The following TENM3 variants were observed in gnomAD, a reference collection of about 807,000 sequenced individuals.
The protein encoded by TENM3 is teneurin transmembrane protein 3, also known as teneurin-3.
A neutral mutation model predicts 255.1 loss-of-function variants in TENM3; 63 were observed. The observed-to-expected ratio is 0.25, with a 90% CI of 0.20 to 0.30. The LOEUF is 0.30. Ranked by LOEUF, TENM3 falls within the 10% of genes least tolerant of loss-of-function variation. The probability of loss-of-function intolerance (pLI) is 1.00; values close to 1 mark genes in which losing one functional copy is unlikely to be tolerated. For synonymous variants in TENM3, 1,306 were observed against 1,322.3 expected (o/e 0.99, Z 0.27); for missense variants, 2,929 against 3,461.1 (o/e 0.85, Z 3.86).
At chr4:181,771,947 T>C in the TENM3 span, among the ~76,000 whole-genome samples, 1 of 152,356 alleles carries the variant, frequency 6.6e-6, no homozygotes, top group South Asian at 2.1e-4. Flanking sequence ...AATTTCTCTG[T>C]GTTCTTTAAG....
At chr4:182,208,147 CTT>C (rs1347825159) in intron 1 of TENM3, among the ~76,000 whole-genome samples, 1 of 152,170 alleles carries the variant, frequency 6.6e-6, no homozygotes, top group Non-Finnish European at 1.5e-5. Context: ...TAGCAGGAGA[CTT>C]TGTACTTTAT....
the TENM3 span, among the ~76,000 whole-genome samples, chr4:181,997,314 C>G: frequency 6.6e-6 from 1 of 152,096 alleles, no homozygotes; most frequent in African/African-American, 2.4e-5. Context: ...CTGAGGCTGC[C>G]TGCGCACGTG....
At chr4:182,059,937 GA>G in the TENM3 span, among the ~76,000 whole-genome samples, 1 of 149,726 alleles carries the variant, frequency 6.7e-6, no homozygotes, top group Admixed American at 6.7e-5. Flanking sequence ...TGTCTCAAAA[GA>G]AAAAAAAATC....
chr4:181,872,570 G>A, the TENM3 span, among the ~76,000 whole-genome samples: 316 of 152,100 alleles, frequency 2.1e-3, no homozygotes, highest in African/African-American at 6.9e-3. Context: ...CATTTAAGTC[G>A]TAAAGTGTAT....
At chr4:182,030,266 G>A in the TENM3 span, among the ~76,000 whole-genome samples, 2 of 151,396 alleles carry the variant, frequency 1.3e-5, no homozygotes, top group African/African-American at 2.4e-5. Context: ...CCAGTGTTTT[G>A]TGTTTCCCTC....
At chr4:181,876,156 G>A in the TENM3 span, among the ~76,000 whole-genome samples, 1 of 152,164 alleles carries the variant, frequency 6.6e-6, no homozygotes, top group Non-Finnish European at 1.5e-5. Context: ...CTGACAACTT[G>A]AATGGCTATC....
chr4:182,432,886 T>G (rs929963207), intron 3 of TENM3, among the ~76,000 whole-genome samples: 10 of 32,710 alleles, frequency 3.1e-4, no homozygotes, highest in East Asian at 9.4e-4. Context: ...ATGGTTTCAC[T>G]ATGTTGGCCA....
intron 13 of TENM3, among the ~76,000 whole-genome samples, chr4:182,717,259 A>C (rs1759270200): frequency 1.3e-5 from 2 of 152,144 alleles, no homozygotes; most frequent in Non-Finnish European, 2.9e-5. Context: ...GCCTTCATGT[A>C]TGTCTGTCCC....
chr4:182,292,185 A>G (rs1349742370), intron 1 of TENM3, among the ~76,000 whole-genome samples: 2 of 152,096 alleles, frequency 1.3e-5, no homozygotes, highest in African/African-American at 4.8e-5. Flanking sequence ...GATTTATTGT[A>G]AAAAAATGTA....
the TENM3 span, among the ~76,000 whole-genome samples, chr4:181,593,844 A>G: frequency 2.0e-5 from 3 of 152,174 alleles, no homozygotes; most frequent in Non-Finnish European, 4.4e-5. Flanking sequence ...TATGATTAAC[A>G]GTAACTAATT....
the TENM3 span, among the ~76,000 whole-genome samples, chr4:182,022,697 A>G: frequency 6.6e-6 from 1 of 152,052 alleles, no homozygotes; most frequent in African/African-American, 2.4e-5. Context: ...TTTCTTTTGT[A>G]TTTTTAAAGT....
chr4:182,660,998 A>G (rs1754177767), intron 6 of TENM3, among the ~76,000 whole-genome samples: 2 of 152,162 alleles, frequency 1.3e-5, no homozygotes, highest in Non-Finnish European at 2.9e-5. Flanking sequence ...AGCCTAGGAT[A>G]ATTTAGGATA....
At chr4:181,489,596 T>C in the TENM3 span, among the ~76,000 whole-genome samples, 7 of 152,200 alleles carry the variant, frequency 4.6e-5, no homozygotes, top group Non-Finnish European at 8.8e-5. Context: ...AATATTTGAC[T>C]ACACACTATA....
the TENM3 span, among the ~76,000 whole-genome samples, chr4:181,776,958 G>T: frequency 1.7e-3 from 257 of 151,368 alleles, 5 homozygotes; most frequent in Admixed American, 0.015. Flanking sequence ...CCTATTTTTG[G>T]TTTTTTTTGT....
intron 1 of TENM3, among the ~76,000 whole-genome samples, chr4:182,297,287 G>T (rs779743121): frequency 1.3e-5 from 2 of 152,140 alleles, no homozygotes; most frequent in Non-Finnish European, 2.9e-5. Context: ...ACTGTCACTT[G>T]CATAGTTGAA....
chr4:181,546,485 G>A, the TENM3 span, among the ~76,000 whole-genome samples: 2 of 151,658 alleles, frequency 1.3e-5, no homozygotes, highest in Non-Finnish European at 2.9e-5. Flanking sequence ...GGAGGCCGAG[G>A]CGGCTGGATC....
the TENM3 span, among the ~76,000 whole-genome samples, chr4:181,773,920 C>G: frequency 6.6e-6 from 1 of 151,780 alleles, no homozygotes; most frequent in Admixed American, 6.6e-5. Flanking sequence ...GACATTGAGC[C>G]TCTTTTTCAA....
the TENM3 span, among the ~76,000 whole-genome samples, chr4:181,535,081 G>A: frequency 6.6e-6 from 1 of 152,278 alleles, no homozygotes; most frequent in South Asian, 2.1e-4. Flanking sequence ...TTCTCATGGA[G>A]TCTGTGTGTG....
Position 182,364,443 on chromosome 4 carries a change from G to A in TENM3, c.511+17514G>A, listed in dbSNP as rs1013413789. On this transcript the variant is annotated intron_variant, in intron 3 of 27. Transcript: ENST00000511685. ...TTTGTTTTTGTTTTTTTGAGACGGAGTCTCACTCTGTCACCCAGGCTGGAA... is the reference window on the plus strand; with the variant it reads ...TTTGTTTTTGTTTTTTTGAGACGGAATCTCACTCTGTCACCCAGGCTGGAA... Among the ~76,000 whole-genome samples, 10 of 152,058 alleles carry A rather than the reference G, an allele frequency of 6.6e-5. No individual in the cohort carries two copies. The East Asian group carries it at 1.4e-3, about 21-fold the overall frequency.
Sources: allele counts gnomAD v4.1 joint callset (sites outside exome capture counted in the v4.1 genomes callset), GRCh38; gene constraint gnomAD v4.1.1; transcripts MANE v1.5; gene names NCBI Gene and HGNC (gene_info 2026-07-23, HGNC 2026-07-21).